GPR139: variants seen among roughly 807,000 people sequenced by gnomAD.
The protein encoded by GPR139 is probable G protein-coupled receptor 139.
Under a neutral mutation model 25.8 loss-of-function variants are expected in GPR139, and 12 were observed. That is an observed-to-expected ratio of 0.47 (90% CI 0.30 to 0.75). The LOEUF (loss-of-function observed/expected upper bound fraction) is 0.75, where lower values mean the gene tolerates loss of function less well. Among genes scored for constraint, GPR139 ranks in the 30% least tolerant of loss-of-function variants. The pLI is 0.07. For synonymous variants in GPR139, 184 were observed against 179.9 expected, an observed-to-expected ratio of 1.02 and a Z score of -0.18; for missense variants, 380 against 450.2, an observed-to-expected ratio of 0.84 and a Z score of 1.41.
Position 20,031,696 on chromosome 16 carries a change from A to G in GPR139, c.*39T>C. On this transcript the variant is annotated 3_prime_UTR_variant, in exon 2 of 2. Coordinates refer to ENST00000570682, the MANE Select transcript of GPR139 (RefSeq NM_001002911.4). ...GGATGGGACACCTTCCCATCTGGAA[A>G]TGGATTAGACAGAGGCAGTAGTTGC... The G allele has an allele frequency of 5.9e-6, 9 of 1,519,436 alleles. No individual in the cohort carries two copies. The highest frequency in any genetic ancestry group is 8.2e-6 in the Non-Finnish European group (9 of 1,099,780). The allele number at this position is 1,519,436 out of a possible 1,614,324, so 94.1% of individuals were successfully genotyped here. A position where few individuals can be genotyped will look rare whatever the true frequency, so the allele number is the denominator to read the frequency against.
Position 20,054,769 on chromosome 16 carries a change from C to A in GPR139, c.127+18721G>T, listed in dbSNP as rs1007774102. ...TTTTGGCAGAGTTTTGCTCTGTCAC[C>A]CAGGCTGCAGTGCAGTAGTGCGATC... is the stretch of plus-strand genomic sequence containing the variant. On this transcript the variant is annotated intron_variant, in intron 1 of 1. Coordinates refer to ENST00000570682, the MANE Select transcript of GPR139 (RefSeq NM_001002911.4). 5.1e-4 allele frequency among the ~76,000 whole-genome samples: 77 copies of A among 151,854 alleles called. 3 individuals carry two copies.
At chr16:20,056,688 G>A (rs1280917171) in intron 1 of GPR139, among the ~76,000 whole-genome samples, 2 of 152,124 alleles carry the variant, frequency 1.3e-5, no homozygotes, top group Non-Finnish European at 2.9e-5. Flanking sequence ...TTAAGCATTA[G>A]GAATAGAGTC....
At chr16:20,068,376 A>AT (rs2057444615) in intron 1 of GPR139, among the ~76,000 whole-genome samples, 1 of 152,000 alleles carries the variant, frequency 6.6e-6, no homozygotes, top group Non-Finnish European at 1.5e-5. Flanking sequence ...TTGGAAATCT[A>AT]TTTTTTAAAA....
In GPR139 at chr16:20,044,994, A is replaced by AT. The variant is rs10581585; in HGVS notation, c.128-12326dup. Among the ~76,000 whole-genome samples the AT allele has an allele frequency of 6.6e-3, 572 of 86,252 alleles. 10 individuals carry two copies. The highest frequency in any genetic ancestry group is 0.025 in the African/African-American group (514 of 20,708). 56.6% of individuals were successfully genotyped at this position (86,252 alleles called of 152,430 possible). On this transcript the variant is annotated intron_variant, in intron 1 of 1. Coordinates refer to ENST00000570682, the MANE Select transcript of GPR139 (RefSeq NM_001002911.4). ...ACTTGCCAGAGGTTTCACTTGCACTATTTTTTTTTTTTTTTTTTTTTTTTA... is the reference window on the plus strand; with the variant it reads ...ACTTGCCAGAGGTTTCACTTGCACTATTTTTTTTTTTTTTTTTTTTTTTTTA...
intron 1 of GPR139, among the ~76,000 whole-genome samples, chr16:20,060,423 G>T (rs951339923): frequency 3.3e-5 from 5 of 151,920 alleles, no homozygotes; most frequent in Non-Finnish European, 7.4e-5. Context: ...ATGTGTGTCT[G>T]CATGTGTGTC....
intron 1 of GPR139, among the ~76,000 whole-genome samples, chr16:20,056,929 AC>A (rs1170144300): frequency 6.6e-5 from 10 of 152,156 alleles, no homozygotes; most frequent in Admixed American, 2.0e-4. Flanking sequence ...GAGGAAATTC[AC>A]CTACCTGTCC....
rs1340543035 is a variant in GPR139, at chr16:20,029,128, G to T, written c.*2607C>A. Among the ~76,000 whole-genome samples the T allele has an allele frequency of 6.6e-6, 1 of 152,092 alleles. No individual in the cohort carries two copies. Among genetic ancestry groups the T allele is most frequent in the Non-Finnish European group, 1.5e-5 (1 of 68,026 alleles). ...AAGCAGAAGACAGCAATTCACTACAGTGCCTTCAAGAATTGGACCTCTTTT... is the reference window on the plus strand; with the variant it reads ...AAGCAGAAGACAGCAATTCACTACATTGCCTTCAAGAATTGGACCTCTTTT... On this transcript the variant is annotated 3_prime_UTR_variant, in exon 2 of 2. Transcript: ENST00000570682.
intron 1 of GPR139, among the ~76,000 whole-genome samples, chr16:20,035,047 A>T (rs985935977): frequency 1.3e-5 from 2 of 152,194 alleles, no homozygotes; most frequent in Non-Finnish European, 2.9e-5. Context: ...GTGCATCCTC[A>T]TCTTTAACAG....
At chr16:20,035,478 A>G (rs1245578285) in intron 1 of GPR139, among the ~76,000 whole-genome samples, 26 of 152,226 alleles carry the variant, frequency 1.7e-4, no homozygotes, top group Admixed American at 1.6e-3. Context: ...GCATTCATGC[A>G]TTATGTACCT....
intron 1 of GPR139, among the ~76,000 whole-genome samples, chr16:20,045,917 T>C (rs1473990078): frequency 6.6e-6 from 1 of 152,194 alleles, no homozygotes; most frequent in Non-Finnish European, 1.5e-5. Flanking sequence ...TTTGCTGTTT[T>C]GTGGACACAG....
At chr16:20,061,723 A>G (rs1228183210) in intron 1 of GPR139, among the ~76,000 whole-genome samples, 4 of 152,206 alleles carry the variant, frequency 2.6e-5, no homozygotes, top group Non-Finnish European at 1.5e-5. Context: ...TTTGAATTGT[A>G]CTAGGATCCA....
intron 1 of GPR139, among the ~76,000 whole-genome samples, chr16:20,065,725 G>C (rs968488155): frequency 1.3e-5 from 2 of 151,992 alleles, no homozygotes; most frequent in African/African-American, 4.8e-5. Flanking sequence ...ACAAAAAAAT[G>C]AGCAGGGCAT....
intron 1 of GPR139, among the ~76,000 whole-genome samples, chr16:20,036,421 T>G (rs1257693293): frequency 1.3e-5 from 2 of 152,214 alleles, no homozygotes; most frequent in Non-Finnish European, 2.9e-5. Context: ...CTTCTTACAC[T>G]GCCAATAAAG....
rs149775859 is a variant in GPR139, at chr16:20,066,647, G to A, written c.127+6843C>T. On this transcript the variant is annotated intron_variant, in intron 1 of 1. Coordinates refer to ENST00000570682, the MANE Select transcript of GPR139 (RefSeq NM_001002911.4). ...AAAACAATGCGAGTTACTATTTGCC[G>A]AGCTCCTACAATGTGTGAGGCACTG... 4.6e-5 allele frequency among the ~76,000 whole-genome samples: 7 copies of A among 152,308 alleles called. No homozygotes were observed. In the East Asian group the frequency reaches 7.7e-4, roughly 17 times the overall value.
chr16:20,061,445 G>A (rs570818815), intron 1 of GPR139, among the ~76,000 whole-genome samples: 13 of 152,290 alleles, frequency 8.5e-5, no homozygotes, highest in Admixed American at 5.2e-4. Flanking sequence ...ATGTGTGGGC[G>A]GATGTATGTA....
Position 20,073,469 on chromosome 16 carries a change from C to A in GPR139, c.127+21G>T. On this transcript the variant is annotated intron_variant, in intron 1 of 1. Transcript: ENST00000570682. This position sits in a 1 kb window ranked among gnomAD's most constrained non-coding sequence, Gnocchi z 4.7. ...GCACTTGGGGTTCCTGGCTTCCCTC[C>A]CTCTCCCCCACGCCCCTCACCTGGT... 1.2e-6 allele frequency: 2 copies of A among 1,607,680 alleles called. No individual in the cohort carries two copies. Among genetic ancestry groups the A allele is most frequent in the Non-Finnish European group, 1.7e-6 (2 of 1,177,414 alleles).
chr16:20,032,451 T>A lies in GPR139; in HGVS notation c.346A>T (p.Ile116Leu). ...ATGGTTAACGGTACAGTAATCCATA[T>A]GGAGGTGTGGATGGATGAGAATTCC... ...VLEFSSIHTS[I>L]WITVPLTIDR... The change falls in exon 2 of 2, where the codon ATA (isoleucine) becomes TTA (leucine). Residue 116 changes from isoleucine (I) to leucine (L), a missense_variant. Coordinates refer to ENST00000570682, the MANE Select transcript of GPR139 (RefSeq NM_001002911.4). The A allele has an allele frequency of 1.2e-6, 2 of 1,614,162 alleles. No individual in the cohort carries two copies. The highest frequency in any genetic ancestry group is 1.7e-6 in the Non-Finnish European group (2 of 1,179,984).
chr16:20,062,261 G>T (rs1351264128), intron 1 of GPR139, among the ~76,000 whole-genome samples: 1 of 152,100 alleles, frequency 6.6e-6, no homozygotes, highest in Non-Finnish European at 1.5e-5. Context: ...GGGTTTTTGG[G>T]AATTGATTAG....
chr16:20,050,906 C>CA (rs1465450412), intron 1 of GPR139, among the ~76,000 whole-genome samples: 8 of 151,166 alleles, frequency 5.3e-5, no homozygotes, highest in Non-Finnish European at 7.4e-5. Context: ...TACAAAAATA[C>CA]AAAAAAATTA....
Sources: gnomAD v4.1 joint callset for allele counts (sites outside exome capture counted in the v4.1 genomes callset) on GRCh38, gnomAD v4.1.1 for gene constraint, Gnocchi (gnomAD v3.1) non-coding constraint, MANE v1.5 for transcripts, NCBI Gene and HGNC (gene_info 2026-07-23, HGNC 2026-07-21) for gene names.